The following SLC38A6 variants were observed in gnomAD, a reference collection of about 807,000 sequenced individuals.
SLC38A6 encodes the protein N system amino acid transporter NAT-1.
Under a neutral mutation model 65.0 loss-of-function variants are expected in SLC38A6, and 73 were observed. The ratio of observed to expected loss-of-function variants is 1.12; its 90% CI spans 0.93 to 1.37. SLC38A6 has a LOEUF of 1.37. SLC38A6 is among the 40% of genes most tolerant of loss of function. SLC38A6 has a pLI of 0.00. For missense variants in SLC38A6, 561 were observed against 531.1 expected, an observed-to-expected ratio of 1.06 and a Z score of -0.55; for synonymous variants, 183 against 178.8, an observed-to-expected ratio of 1.02 and a Z score of -0.19.
rs1267901596 is a variant in SLC38A6, at chr14:61,011,639, T to A, written c.311-4265T>A. 9.8e-5 allele frequency among the ~76,000 whole-genome samples: 15 copies of A among 152,300 alleles called. 2 individuals carry two copies. The highest frequency in any genetic ancestry group is 7.8e-4 in the Admixed American group (12 of 15,300). On this transcript the variant is annotated intron_variant, in intron 3 of 15. Coordinates refer to ENST00000267488, the MANE Select transcript of SLC38A6 (RefSeq NM_153811.3). ...GCCTTTTCTGCATCTATTGAGATAA[T>A]CATGTGGTTTTTGTCTTTGGCTCTG...
At chr14:61,004,255 A>T (rs1477644714) in intron 3 of SLC38A6, among the ~76,000 whole-genome samples, 3 of 152,166 alleles carry the variant, frequency 2.0e-5, no homozygotes, top group African/African-American at 7.2e-5. Context: ...TACTATCTAT[A>T]CTTCATTTTG....
chr14:60,987,450 G>A (rs1348050223), intron 3 of SLC38A6: 1 of 152,392 alleles, frequency 6.6e-6, no homozygotes, highest in Non-Finnish European at 1.5e-5. Context: ...GGGTCTATCA[G>A]GACTTTTCAT....
chr14:61,049,564 T>A (rs1190336898), intron 12 of SLC38A6, among the ~76,000 whole-genome samples: 2 of 152,158 alleles, frequency 1.3e-5, no homozygotes, highest in African/African-American at 4.8e-5. Flanking sequence ...CAGTTTAGAA[T>A]CTCCATAGCT....
At chr14:60,996,304 C>A (rs1170368723) in intron 3 of SLC38A6, among the ~76,000 whole-genome samples, 1 of 151,968 alleles carries the variant, frequency 6.6e-6, no homozygotes, top group Non-Finnish European at 1.5e-5. Flanking sequence ...CTTTAGAGAA[C>A]TAAAAGAAGA....
intron 12 of SLC38A6, among the ~76,000 whole-genome samples, chr14:61,047,242 C>A (rs976398701): frequency 1.3e-5 from 2 of 152,112 alleles, no homozygotes; most frequent in African/African-American, 4.8e-5. Flanking sequence ...TGCCAATATC[C>A]AGGCTGGCTG....
chr14:61,062,119 C>T (rs1026696583), intron 15 of SLC38A6, among the ~76,000 whole-genome samples: 3 of 152,158 alleles, frequency 2.0e-5, no homozygotes, highest in African/African-American at 2.4e-5. Flanking sequence ...GCATGAGCCA[C>T]GATGCCCAGC....
intron 3 of SLC38A6, among the ~76,000 whole-genome samples, chr14:61,015,140 T>C (rs534663636): frequency 7.9e-5 from 12 of 152,300 alleles, no homozygotes; most frequent in East Asian, 3.9e-4. Flanking sequence ...ACTGCTGTGC[T>C]AGCAATGAGC....
intron 6 of SLC38A6, among the ~76,000 whole-genome samples, chr14:61,032,236 T>C (rs2041045265): frequency 6.6e-6 from 1 of 151,956 alleles, no homozygotes; most frequent in African/African-American, 2.4e-5. Context: ...TTCTTGATCC[T>C]GAATTTGGTG....
At position 60,992,054 on chromosome 14, in the gene SLC38A6, TAGA is replaced by T. The variant is rs569543795; in HGVS notation, c.310+7257_310+7259del. On this transcript the variant is annotated intron_variant, in intron 3 of 15. Coordinates refer to ENST00000267488, the MANE Select transcript of SLC38A6 (RefSeq NM_153811.3). The stretch of plus-strand genomic sequence containing the variant: ...AAAAGTCAGGGTTCTGTTACTCAGG[TAGA>T]AGAAGGGAAGAGACAACCAGCAGTC... Among the ~76,000 whole-genome samples the T allele has an allele frequency of 1.7e-3, 256 of 152,292 alleles. 1 individual carries two copies. Among genetic ancestry groups the T allele is most frequent in the African/African-American group, 5.4e-3 (225 of 41,562 alleles).
At chr14:61,064,031 C>A (rs2042944685) in intron 15 of SLC38A6, among the ~76,000 whole-genome samples, 1 of 152,208 alleles carries the variant, frequency 6.6e-6, no homozygotes, top group Non-Finnish European at 1.5e-5. Context: ...ATTTCTTCAT[C>A]TTGCATGAGA....
At chr14:61,001,895 A>G (rs772877356) in intron 3 of SLC38A6, 4 of 152,138 alleles carry the variant, frequency 2.6e-5, no homozygotes, top group Non-Finnish European at 5.9e-5. Context: ...TTCTGCCTTT[A>G]TTATACTAGC....
chr14:61,067,410 T>C (rs1193380984), intron 15 of SLC38A6, among the ~76,000 whole-genome samples: 4 of 152,210 alleles, frequency 2.6e-5, no homozygotes, highest in African/African-American at 9.6e-5. Flanking sequence ...TTCAGACATT[T>C]AGTCAGCAGC....
At chr14:60,997,494 G>C (rs1174726892) in intron 3 of SLC38A6, among the ~76,000 whole-genome samples, 1 of 152,124 alleles carries the variant, frequency 6.6e-6, no homozygotes, top group Non-Finnish European at 1.5e-5. Flanking sequence ...TCCAGGTCAT[G>C]CCTGCCCTCT....
At chr14:61,002,535 G>C (rs1164607210) in intron 3 of SLC38A6, among the ~76,000 whole-genome samples, 1 of 152,092 alleles carries the variant, frequency 6.6e-6, no homozygotes. Flanking sequence ...TTTATTAATT[G>C]TCCTATTTCA....
intron 5 of SLC38A6, among the ~76,000 whole-genome samples, chr14:61,029,521 G>C (rs1380242530): frequency 2.0e-5 from 3 of 152,040 alleles, no homozygotes; most frequent in Non-Finnish European, 4.4e-5. Context: ...TTGAAGTTCT[G>C]ACTACAAATC....
chr14:61,004,012 G>A (rs781336330), intron 3 of SLC38A6, among the ~76,000 whole-genome samples: 8 of 152,114 alleles, frequency 5.3e-5, no homozygotes, highest in Non-Finnish European at 1.2e-4. Context: ...CAGGGAGCAA[G>A]TTTGAGGTTA....
intron 12 of SLC38A6, 42 bp from the exon 13 acceptor site, chr14:61,050,470 C>A (rs773857038): frequency 2.9e-6 from 4 of 1,358,220 alleles, no homozygotes; most frequent in South Asian, 1.7e-5. Flanking sequence ...ACTATTGATA[C>A]CTTAGTACTT....
At chr14:61,018,810 T>C (rs1343735649) in intron 4 of SLC38A6, among the ~76,000 whole-genome samples, 2 of 152,214 alleles carry the variant, frequency 1.3e-5, no homozygotes, top group Non-Finnish European at 2.9e-5. Flanking sequence ...CTAAGCATCA[T>C]TAAAGTATGA....
chr14:61,032,876 T>C (rs1452352402), intron 6 of SLC38A6, among the ~76,000 whole-genome samples: 2 of 151,956 alleles, frequency 1.3e-5, no homozygotes, highest in Non-Finnish European at 2.9e-5. Flanking sequence ...ATACAATAAA[T>C]TTTAATTAAG....
Sources: gnomAD v4.1 joint callset for allele counts (sites outside exome capture counted in the v4.1 genomes callset) on GRCh38, gnomAD v4.1.1 for gene constraint, MANE v1.5 for transcripts, NCBI Gene and HGNC (gene_info 2026-07-23, HGNC 2026-07-21) for gene names.